NXPH1: variants seen among roughly 807,000 people sequenced by gnomAD.
NXPH1 encodes neurexophilin-1.
In NXPH1, 5 loss-of-function variants were observed where a neutral mutation model predicts 23.7. The observed-to-expected ratio is 0.21, with a 90% CI of 0.11 to 0.44. NXPH1 has a LOEUF of 0.44. Ranked by LOEUF, NXPH1 falls within the 20% of genes least tolerant of loss-of-function variation. The probability of loss-of-function intolerance (pLI) is 0.99; values close to 1 mark genes in which losing one functional copy is unlikely to be tolerated. For missense variants in NXPH1, 324 were observed against 321.6 expected (o/e 1.01, Z -0.06); for synonymous variants, 144 against 122.2 (o/e 1.18, Z -1.18).
intron 2 of NXPH1, among the ~76,000 whole-genome samples, chr7:8,602,259 G>C (rs1363256602): frequency 6.6e-6 from 1 of 152,144 alleles, no homozygotes; most frequent in African/African-American, 2.4e-5. Flanking sequence ...CCACGAATGT[G>C]TTCCAAATTT....
rs78680876 is a variant in NXPH1 at position 8,447,569 on chromosome 7, C to T, written c.54+11802C>T. On this transcript the variant is annotated intron_variant, in intron 2 of 2. Coordinates refer to ENST00000405863, the MANE Select transcript of NXPH1 (RefSeq NM_152745.3). ...GTGAACAGCTGCAGCAAATAGGCAG[C>T]TACAATATCTAGCTATTATCAAATA... Among the ~76,000 whole-genome samples the T allele has an allele frequency of 4.7e-4, 71 of 152,290 alleles. 1 individual carries two copies. In the East Asian group the frequency reaches 0.013, roughly 28 times the overall value.
intron 2 of NXPH1, among the ~76,000 whole-genome samples, chr7:8,629,943 T>G (rs935616481): frequency 1.3e-5 from 2 of 152,174 alleles, no homozygotes; most frequent in Non-Finnish European, 2.9e-5. Flanking sequence ...CTGAATAGCT[T>G]ATATATAGCT....
chr7:8,694,585 CA>C (rs1393846453), intron 2 of NXPH1, among the ~76,000 whole-genome samples: 1 of 152,126 alleles, frequency 6.6e-6, no homozygotes, highest in Non-Finnish European at 1.5e-5. Context: ...GTTATAATAA[CA>C]CATCTATTTT....
chr7:8,642,290 T>C (rs148537035), intron 2 of NXPH1, among the ~76,000 whole-genome samples: 20 of 152,368 alleles, frequency 1.3e-4, no homozygotes, highest in African/African-American at 4.8e-4. Flanking sequence ...TTAAAGACAT[T>C]GCTCTGTTGT....
At chr7:8,662,185 T>TACACAC (rs71017609) in intron 2 of NXPH1, among the ~76,000 whole-genome samples, 87,651 of 148,700 alleles carry the variant, frequency 0.59, 27,042 homozygotes, top group Middle Eastern at 0.72. Flanking sequence ...TATATATATA[T>TACACAC]ATATACACAC....
intron 2 of NXPH1, among the ~76,000 whole-genome samples, chr7:8,741,038 A>T (rs59865230): frequency 0.24 from 35,757 of 152,110 alleles, 5,237 homozygotes; most frequent in African/African-American, 0.42. Context: ...TCCTTTAACA[A>T]ACATCTTTCA....
intron 2 of NXPH1, among the ~76,000 whole-genome samples, chr7:8,572,783 C>G (rs373291456): frequency 1.6e-4 from 24 of 151,374 alleles, no homozygotes; most frequent in African/African-American, 5.8e-4. Context: ...ACAAATATAT[C>G]AAACAGAATA....
intron 2 of NXPH1, among the ~76,000 whole-genome samples, chr7:8,500,595 T>C: frequency 6.6e-6 from 1 of 152,066 alleles, no homozygotes; most frequent in East Asian, 1.9e-4. Flanking sequence ...CACAAGACTC[T>C]TTTGTGAAGG....
chr7:8,631,713 C>G (rs1365471967), intron 2 of NXPH1, among the ~76,000 whole-genome samples: 3 of 152,174 alleles, frequency 2.0e-5, no homozygotes, highest in Admixed American at 6.5e-5. Context: ...ATAGCACTTG[C>G]AGGTGCTGTG....
chr7:8,507,265 C>T (rs910198448), intron 2 of NXPH1, among the ~76,000 whole-genome samples: 2 of 151,592 alleles, frequency 1.3e-5, no homozygotes, highest in Non-Finnish European at 2.9e-5. Context: ...GTTGTTAATA[C>T]ATTAGGGCAT....
In NXPH1 at chr7:8,534,574, G is replaced by A. The variant is rs185887306; in HGVS notation, c.54+98807G>A. 3.3e-5 allele frequency among the ~76,000 whole-genome samples: 5 copies of A among 152,242 alleles called. 1 individual carries two copies. In the South Asian group the frequency reaches 1.0e-3, roughly 32 times the overall value. On this transcript the variant is annotated intron_variant, in intron 2 of 2. Coordinates refer to ENST00000405863, the MANE Select transcript of NXPH1 (RefSeq NM_152745.3). ...ATAAAAGCATAGTATGTAAAATAGG[G>A]AGAGATGTTATTGTAAGTTCCTAAG...
At chr7:8,724,395 A>G (rs1432933110) in intron 2 of NXPH1, among the ~76,000 whole-genome samples, 1 of 152,196 alleles carries the variant, frequency 6.6e-6, no homozygotes, top group Non-Finnish European at 1.5e-5. Context: ...ATACTAGGAG[A>G]GGAAAGTCTT....
intron 2 of NXPH1, among the ~76,000 whole-genome samples, chr7:8,679,405 AC>A (rs553038446): frequency 1.2e-3 from 186 of 152,274 alleles, no homozygotes; most frequent in Non-Finnish European, 2.2e-3. Flanking sequence ...GAAAAGAGAA[AC>A]TGTATCCCGT....
chr7:8,739,064 CT>C (rs1354419713), intron 2 of NXPH1, among the ~76,000 whole-genome samples: 1 of 150,418 alleles, frequency 6.6e-6, no homozygotes, highest in Non-Finnish European at 1.5e-5. Flanking sequence ...TGCTGGGCTC[CT>C]TGGGGGTGGG....
chr7:8,594,803 C>A (rs926544573), intron 2 of NXPH1, among the ~76,000 whole-genome samples: 1 of 151,974 alleles, frequency 6.6e-6, no homozygotes, highest in Non-Finnish European at 1.5e-5. Context: ...AATGCCGCTT[C>A]CAATTGGCAT....
chr7:8,455,398 G>T (rs948516802), intron 2 of NXPH1, among the ~76,000 whole-genome samples: 5 of 152,094 alleles, frequency 3.3e-5, no homozygotes, highest in African/African-American at 1.2e-4. Context: ...CATAATCTCT[G>T]GCCCTATTTT....
At chr7:8,676,686 A>G (rs955374587) in intron 2 of NXPH1, among the ~76,000 whole-genome samples, 6 of 152,194 alleles carry the variant, frequency 3.9e-5, no homozygotes, top group Non-Finnish European at 5.9e-5. Context: ...GTTTTCTAGT[A>G]CTTGTAGGAA....
Position 8,639,921 on chromosome 7 carries a change from T to C in NXPH1, c.55-111087T>C, listed in dbSNP as rs143482251. 8.4e-4 allele frequency among the ~76,000 whole-genome samples: 128 copies of C among 152,334 alleles called. 1 individual carries two copies. The highest frequency in any genetic ancestry group is 3.0e-3 in the African/African-American group (123 of 41,578). On this transcript the variant is annotated intron_variant, in intron 2 of 2. Coordinates refer to ENST00000405863, the MANE Select transcript of NXPH1 (RefSeq NM_152745.3). The stretch of plus-strand genomic sequence containing the variant: ...CAATTAAACGTCTTTTTGTTCTCAG[T>C]TTCAGGTATGTTGTTATTAGCAGCA...
intron 2 of NXPH1, among the ~76,000 whole-genome samples, chr7:8,662,775 G>T (rs1583219734): frequency 6.6e-6 from 1 of 151,984 alleles, no homozygotes; most frequent in Admixed American, 6.6e-5. Context: ...ATTCAATGTT[G>T]CAGTGATATC....
Sources: allele counts gnomAD v4.1 joint callset (sites outside exome capture counted in the v4.1 genomes callset), GRCh38; gene constraint gnomAD v4.1.1; transcripts MANE v1.5; gene names NCBI Gene and HGNC (gene_info 2026-07-23, HGNC 2026-07-21).